Variants in M1AP observed in about 807,000 individuals in gnomAD.
M1AP encodes the protein meiosis 1 associated protein.
M1AP carries 39 observed loss-of-function variants against 51.2 expected under a neutral mutation model. That is an observed-to-expected ratio of 0.76 (90% CI 0.59 to 1.00). The LOEUF (loss-of-function observed/expected upper bound fraction) is 1.00, where lower values mean the gene tolerates loss of function less well. Ranked by LOEUF, M1AP falls within the 50% of genes least tolerant of loss-of-function variation. The pLI is 0.00. For synonymous variants in M1AP, 251 were observed against 249.2 expected (o/e 1.01, Z -0.07); for missense variants, 545 against 641.2 (o/e 0.85, Z 1.62).
chr2:74,626,438 T>C (rs1343424403), intron 2 of M1AP, among the ~76,000 whole-genome samples: 1 of 151,772 alleles, frequency 6.6e-6, no homozygotes, highest in Non-Finnish European at 1.5e-5. Flanking sequence ...TTTAAATTTT[T>C]TGTAGAGATG....
intron 7 of M1AP, among the ~76,000 whole-genome samples, chr2:74,564,376 C>A (rs1678236870): frequency 6.6e-6 from 1 of 152,150 alleles, no homozygotes; most frequent in Admixed American, 6.5e-5. Flanking sequence ...ATGTACCATT[C>A]CTGCGGTTGC....
intron 2 of M1AP, chr2:74,628,813 G>C (rs983184449): frequency 3.1e-5 from 15 of 478,388 alleles, no homozygotes; most frequent in Admixed American, 7.5e-5. Flanking sequence ...GCACTGACTT[G>C]AAAGAATAAG....
chr2:74,599,639 T>A (rs906785329), intron 4 of M1AP, among the ~76,000 whole-genome samples: 1 of 152,136 alleles, frequency 6.6e-6, no homozygotes. Flanking sequence ...TATGACACTA[T>A]CTTAATTAGA....
chr2:74,635,177 T>A (rs142753638), intron 2 of M1AP, among the ~76,000 whole-genome samples: 22 of 152,268 alleles, frequency 1.4e-4, no homozygotes, highest in African/African-American at 5.3e-4. Flanking sequence ...ACAGGGCCAT[T>A]CAAACTATCT....
rs752242938 is a variant in M1AP at position 74,560,281 on chromosome 2, T to A, written c.1292A>T (p.Asp431Val). The A allele has an allele frequency of 4.4e-6, 7 of 1,599,166 alleles. No individual in the cohort carries two copies. The highest frequency in any genetic ancestry group is 6.0e-6 in the Non-Finnish European group (7 of 1,174,024). Residue 431 changes from aspartate (D) to valine (V), a missense_variant, in exon 9 of 11, where the codon GAC (aspartate) becomes GTC (valine). Transcript: ENST00000421985. ...DSLKNVESML[D>V]SLELEPTYNP... is the part of the protein sequence containing the mutation. The stretch of plus-strand genomic sequence containing the variant: ...GTAGGTGGGCTCCAGCTCCAGGCTG[T>A]CCAGCATGCTCTGAGGAAAAGAGAG...
chr2:74,627,114 T>C (rs1046203337), intron 2 of M1AP, among the ~76,000 whole-genome samples: 4 of 152,186 alleles, frequency 2.6e-5, no homozygotes, highest in African/African-American at 9.6e-5. Context: ...TGTTTCTCAA[T>C]AGTATTGAAC....
At chr2:74,560,998 A>T (rs1207960597) in intron 8 of M1AP, among the ~76,000 whole-genome samples, 1 of 151,014 alleles carries the variant, frequency 6.6e-6, no homozygotes, top group African/African-American at 2.4e-5. Flanking sequence ...AGCAGAGCAA[A>T]TATAGAGAAT....
intron 1 of M1AP, among the ~76,000 whole-genome samples, chr2:74,646,242 T>TA (rs1409885599): frequency 9.9e-5 from 15 of 151,870 alleles, no homozygotes; most frequent in African/African-American, 3.6e-4. Context: ...TGATGTTTTA[T>TA]AAAAACAAAA....
chr2:74,640,749 C>T (rs944840080), intron 1 of M1AP, among the ~76,000 whole-genome samples: 1 of 151,672 alleles, frequency 6.6e-6, no homozygotes, highest in Non-Finnish European at 1.5e-5. Context: ...AGCCACCGTA[C>T]CTGGCCCAGG....
chr2:74,639,589 C>CA (rs1273983761), intron 2 of M1AP, among the ~76,000 whole-genome samples: 1 of 152,148 alleles, frequency 6.6e-6, no homozygotes, highest in East Asian at 1.9e-4. Context: ...CATGTTTTTG[C>CA]ATAGTTAGGG....
chr2:74,570,385 C>T (rs933319219), intron 7 of M1AP, among the ~76,000 whole-genome samples: 1 of 152,084 alleles, frequency 6.6e-6, no homozygotes, highest in Non-Finnish European at 1.5e-5. Flanking sequence ...TAAATTTGAC[C>T]AAAGCCTAGG....
intron 8 of M1AP, among the ~76,000 whole-genome samples, chr2:74,561,415 AC>A (rs1678004479): frequency 6.6e-6 from 1 of 151,438 alleles, no homozygotes; most frequent in South Asian, 2.1e-4. Flanking sequence ...ACACAGGTAT[AC>A]ACATATGCAC....
intron 5 of M1AP, among the ~76,000 whole-genome samples, chr2:74,578,227 C>T (rs1006377649): frequency 1.3e-5 from 2 of 152,202 alleles, no homozygotes; most frequent in Non-Finnish European, 2.9e-5. Context: ...CCCAGACCAA[C>T]TGAATCAGGG....
At chr2:74,569,263 C>T (rs376494035) in intron 7 of M1AP, among the ~76,000 whole-genome samples, 47 of 151,984 alleles carry the variant, frequency 3.1e-4, no homozygotes, top group African/African-American at 1.0e-3. Context: ...GCTTTACACA[C>T]GCAATATTTA....
intron 7 of M1AP, among the ~76,000 whole-genome samples, chr2:74,568,924 G>A (rs1309476631): frequency 6.6e-6 from 1 of 152,112 alleles, no homozygotes; most frequent in Non-Finnish European, 1.5e-5. Flanking sequence ...GTGTGGGAAG[G>A]GTGAGCCCTC....
At chr2:74,625,160 C>T (rs1469573877) in intron 2 of M1AP, among the ~76,000 whole-genome samples, 1 of 152,144 alleles carries the variant, frequency 6.6e-6, no homozygotes, top group African/African-American at 2.4e-5. Flanking sequence ...TTGGGTTTCT[C>T]TTACTATGAA....
At chr2:74,589,178 AT>A (rs1020544999) in intron 4 of M1AP, among the ~76,000 whole-genome samples, 2 of 152,252 alleles carry the variant, frequency 1.3e-5, no homozygotes, top group African/African-American at 4.8e-5. Flanking sequence ...TCATAAAAAC[AT>A]TTGTGCGAAG....
intron 4 of M1AP, among the ~76,000 whole-genome samples, chr2:74,587,834 A>T (rs1254573527): frequency 2.0e-5 from 3 of 152,334 alleles, no homozygotes; most frequent in South Asian, 4.1e-4. Flanking sequence ...CAGCATTCAC[A>T]TTGTTTTTGA....
At chr2:74,645,148 G>C (rs1683528692) in intron 1 of M1AP, among the ~76,000 whole-genome samples, 1 of 152,016 alleles carries the variant, frequency 6.6e-6, no homozygotes, top group Non-Finnish European at 1.5e-5. Context: ...CGGGAGGAAT[G>C]AAAAACTCCA....
Sources: gnomAD v4.1 joint callset for allele counts (sites outside exome capture counted in the v4.1 genomes callset) on GRCh38, gnomAD v4.1.1 for gene constraint, MANE v1.5 for transcripts, NCBI Gene and HGNC (gene_info 2026-07-23, HGNC 2026-07-21) for gene names.